CBR4: variants seen among roughly 807,000 people sequenced by gnomAD.
CBR4 encodes the protein carbonyl reductase 4.
Under a neutral mutation model 21.0 loss-of-function variants are expected in CBR4, and 22 were observed. The ratio of observed to expected loss-of-function variants is 1.05; its 90% CI spans 0.75 to 1.50. The LOEUF is 1.50. CBR4 is among the 40% of genes most tolerant of loss of function. CBR4 has a pLI of 0.00. For missense variants in CBR4, 302 were observed against 286.3 expected, an observed-to-expected ratio of 1.05 and a Z score of -0.40; for synonymous variants, 100 against 104.4, an observed-to-expected ratio of 0.96 and a Z score of 0.26.
rs769635594 is a variant in CBR4, at chr4:168,928,364, G to A, written n.170-33599C>T. The A allele has an allele frequency of 2.0e-4, 36 of 182,792 alleles. No homozygotes were observed. Among genetic ancestry groups the A allele is most frequent in the Non-Finnish European group, 3.0e-4 (26 of 85,732 alleles). 11.3% of individuals were successfully genotyped at this position (182,792 alleles called of 1,614,324 possible). A position where few individuals can be genotyped will look rare whatever the true frequency, so the allele number is the denominator to read the frequency against. ...ACTATCAATCAATCATACTACTTTG[G>A]ATTGTTGTGCTGGTGTAATGTGGAT... On this transcript the variant is annotated intron_variant and non_coding_transcript_variant, in intron 2 of 3. Transcript: ENST00000509108.
intron 4 of CBR4, among the ~76,000 whole-genome samples, chr4:168,996,532 TCTTTA>T (rs1765211872): frequency 1.3e-5 from 2 of 152,086 alleles, no homozygotes; most frequent in African/African-American, 4.8e-5. Context: ...TAGGGTTCAC[TCTTTA>T]TTTTATATAT....
intron 2 of CBR4, among the ~76,000 whole-genome samples, chr4:168,908,434 CTT>C (rs1001854681): frequency 9.2e-5 from 14 of 152,000 alleles, no homozygotes; most frequent in Non-Finnish European, 1.5e-4. Context: ...TATATTAAAA[CTT>C]TTTTCTTATA....
intron 2 of CBR4, among the ~76,000 whole-genome samples, chr4:168,922,037 C>T (rs756822258): frequency 1.3e-4 from 19 of 150,936 alleles, no homozygotes; most frequent in Non-Finnish European, 7.4e-5. Context: ...GTAACAGCAG[C>T]ATGGACTCCA....
chr4:168,972,505 T>C (rs911065558), intron 2 of CBR4, among the ~76,000 whole-genome samples: 4 of 152,220 alleles, frequency 2.6e-5, no homozygotes, highest in Non-Finnish European at 4.4e-5. Context: ...CTTCCTTGGT[T>C]AGGTATATTC....
chr4:169,009,850 G>T, intron 1 of CBR4, 98 bp downstream of exon 1: 1 of 1,164,398 alleles, frequency 8.6e-7, no homozygotes. Flanking sequence ...AGTAACCCTA[G>T]AGCCCTAAAG....
intron 2 of CBR4, chr4:168,898,788 A>G (rs2151265686): frequency 1.1e-6 from 1 of 899,798 alleles, no homozygotes; most frequent in South Asian, 1.3e-5. Flanking sequence ...ATAGCATGCC[A>G]GTAGGAGAAA....
intron 2 of CBR4, among the ~76,000 whole-genome samples, chr4:168,967,252 A>T (rs1383201552): frequency 6.6e-6 from 1 of 152,192 alleles, no homozygotes; most frequent in African/African-American, 2.4e-5. Flanking sequence ...AAACTATTAC[A>T]AGGACAGCAA....
intron 2 of CBR4, among the ~76,000 whole-genome samples, chr4:168,917,534 T>G (rs1453849868): frequency 1.3e-5 from 2 of 152,190 alleles, no homozygotes; most frequent in African/African-American, 4.8e-5. Context: ...TTGCCCCCTG[T>G]TTACTGATCT....
intron 2 of CBR4, among the ~76,000 whole-genome samples, chr4:168,950,486 T>A (rs975162100): frequency 3.9e-5 from 6 of 152,208 alleles, no homozygotes; most frequent in African/African-American, 1.4e-4. Context: ...TTTTCTTGAA[T>A]TTATTATGGC....
At chr4:168,937,455 A>T (rs1421697211) in intron 2 of CBR4, among the ~76,000 whole-genome samples, 1 of 152,178 alleles carries the variant, frequency 6.6e-6, no homozygotes, top group African/African-American at 2.4e-5. Context: ...AAATTCACAC[A>T]TAATAATATT....
At chr4:168,920,114 C>T (rs1001241527) in intron 2 of CBR4, among the ~76,000 whole-genome samples, 13 of 152,152 alleles carry the variant, frequency 8.5e-5, no homozygotes, top group African/African-American at 3.1e-4. Flanking sequence ...AGGAGCCTGA[C>T]CAAAGATGTC....
intron 2 of CBR4, among the ~76,000 whole-genome samples, chr4:168,969,992 A>T (rs566666491): frequency 6.6e-6 from 1 of 152,182 alleles, no homozygotes; most frequent in African/African-American, 2.4e-5. Context: ...CTTGATTTGC[A>T]TATCTCTAGT....
At chr4:168,914,710 T>C (rs148119032) in intron 2 of CBR4, among the ~76,000 whole-genome samples, 18 of 152,348 alleles carry the variant, frequency 1.2e-4, no homozygotes, top group African/African-American at 3.4e-4. Flanking sequence ...AGATATTTTA[T>C]AGACAGAATA....
At chr4:168,938,766 T>C (rs1028740914) in intron 2 of CBR4, among the ~76,000 whole-genome samples, 8 of 150,944 alleles carry the variant, frequency 5.3e-5, no homozygotes, top group Non-Finnish European at 7.4e-5. Context: ...TCAGGAAGAA[T>C]AGACCAATAA....
In CBR4 at chr4:168,990,288, T is replaced by A. The variant is rs1442760820; in HGVS notation, c.576A>T (p.Glu192Asp). Residue 192 changes from glutamate to aspartate, a missense_variant, in exon 5 of 5, where the codon GAA becomes GAT. Coordinates refer to ENST00000306193, the MANE Select transcript of CBR4 (RefSeq NM_032783.5). ...HTDMTKDLKEEHLKKNIPLGR... is the reference protein window; with the variant it reads ...HTDMTKDLKEDHLKKNIPLGR... ...CAAGAGGAATATTTTTCTTTAAATG[T>A]TCTTCTTTCAAGTCTTTCGTCATAT... The A allele has an allele frequency of 6.2e-7, 1 of 1,611,966 alleles. No homozygotes were observed. Among genetic ancestry groups the A allele is most frequent in the Non-Finnish European group, 8.5e-7 (1 of 1,178,812 alleles).
chr4:169,002,124 G>C lies in CBR4; in HGVS notation c.482C>G (p.Ala161Gly). 6.3e-7 allele frequency: 1 copy of C among 1,590,952 alleles called. No individual in the cohort carries two copies. Among genetic ancestry groups the C allele is most frequent in the South Asian group, 1.1e-5 (1 of 88,370 alleles). The part of the protein sequence containing the change: ...SKGGLVGFSR[A>G]LAKEVARKKI... ...CTTTCTTGCTACCTCTTTAGCAAGA[G>C]CACGTGAAAATCCAACTAATCCTCC... The change falls in exon 4 of 5, where the codon GCT (alanine) becomes GGT (glycine). Residue 161 changes from alanine (A) to glycine (G), a missense_variant. Coordinates refer to ENST00000306193, the MANE Select transcript of CBR4 (RefSeq NM_032783.5).
chr4:168,946,016 T>C (rs555342921), intron 2 of CBR4, among the ~76,000 whole-genome samples: 1 of 152,300 alleles, frequency 6.6e-6, no homozygotes, highest in East Asian at 1.9e-4. Flanking sequence ...TTGGTACTTC[T>C]GCAAGTCAAC....
chr4:168,965,831 A>G (rs758103095), intron 2 of CBR4, among the ~76,000 whole-genome samples: 34 of 152,232 alleles, frequency 2.2e-4, no homozygotes, highest in Non-Finnish European at 4.9e-4. Context: ...CATTCAGGAC[A>G]TAGACATGGG....
intron 1 of CBR4, among the ~76,000 whole-genome samples, chr4:169,008,297 T>C (rs1245416931): frequency 6.6e-6 from 1 of 151,994 alleles, no homozygotes. Flanking sequence ...GCTATAAAAA[T>C]GCTAAAACTA....
Sources: allele counts gnomAD v4.1 joint callset (sites outside exome capture counted in the v4.1 genomes callset), GRCh38; gene constraint gnomAD v4.1.1; transcripts MANE v1.5; gene names NCBI Gene and HGNC (gene_info 2026-07-23, HGNC 2026-07-21).